The following SNX30 variants were observed in gnomAD, a reference collection of about 807,000 sequenced individuals.
The protein encoded by SNX30 is sorting nexin family member 30, also known as sorting nexin-30.
In SNX30, 24 loss-of-function variants were observed where a neutral mutation model predicts 46.4. That is an observed-to-expected ratio of 0.52 (90% CI 0.37 to 0.73). The LOEUF is 0.73. SNX30 is among the 30% of genes least tolerant of loss of function. The pLI, the probability that SNX30 is intolerant of heterozygous loss-of-function variation, is 0.00. For synonymous variants in SNX30, 189 were observed against 211.5 expected, an observed-to-expected ratio of 0.89 and a Z score of 0.92; for missense variants, 533 against 555.7, an observed-to-expected ratio of 0.96 and a Z score of 0.41.
intron 2 of SNX30, among the ~76,000 whole-genome samples, chr9:112,811,666 T>G (rs1165788192): frequency 1.3e-5 from 2 of 152,174 alleles, no homozygotes; most frequent in African/African-American, 2.4e-5. Context: ...TGACTATGAT[T>G]CTTGTGCTTG....
rs1840414195 is a variant in SNX30 at position 112,817,401 on chromosome 9, C to CCTT, written c.349-304_349-303insCTT. Among the ~76,000 whole-genome samples, 26 of 46,836 alleles carry CCTT rather than the reference C, an allele frequency of 5.6e-4. 2 individuals carry two copies. Among genetic ancestry groups the CCTT allele is most frequent in the African/African-American group, 2.4e-3 (25 of 10,268 alleles). 30.7% of individuals were successfully genotyped at this position (46,836 alleles called of 152,430 possible). ...CGGTAGGGAAAAAAAAAAAAACTGG[C>CCTT]TTTTTTTTTTTTTTTTTTTTTTTTT... is the stretch of plus-strand genomic sequence containing the variant. On this transcript the variant is annotated intron_variant, in intron 2 of 8. Transcript: ENST00000374232.
In SNX30 at chr9:112,864,403, A is replaced by G. The variant is rs752207946; in HGVS notation, c.1254+4A>G. On this transcript the variant is annotated splice_donor_region_variant and intron_variant, in intron 8 of 8. Transcript: ENST00000374232. ...GAACATCCAGTATTATGAGAAGGTA[A>G]TGAGTGTGCCCAACAAGACTGGTTT... The G allele has an allele frequency of 3.1e-6, 5 of 1,614,104 alleles. No homozygotes were observed. Among genetic ancestry groups the G allele is most frequent in the East Asian group, 2.2e-5 (1 of 44,884 alleles).
intron 2 of SNX30, among the ~76,000 whole-genome samples, chr9:112,816,060 G>A (rs2131418934): frequency 6.6e-6 from 1 of 152,218 alleles, no homozygotes; most frequent in Admixed American, 6.5e-5. Flanking sequence ...GCCCAGGCTG[G>A]TCTCAAACTC....
At chr9:112,750,656 C>A (rs1245535518), upstream of SNX30, among the ~76,000 whole-genome samples, 3 of 151,814 alleles carry the variant, frequency 2.0e-5, no homozygotes, top group Admixed American at 6.6e-5. Flanking sequence ...CCTTCCTTCC[C>A]CACGTGCCCC....
At chr9:112,762,886 C>T (rs1164587769) in intron 1 of SNX30, among the ~76,000 whole-genome samples, 2 of 152,202 alleles carry the variant, frequency 1.3e-5, no homozygotes, top group Admixed American at 6.5e-5. Flanking sequence ...GCACGAGCCT[C>T]GGTTATTCCC....
intron 1 of SNX30, among the ~76,000 whole-genome samples, chr9:112,758,735 G>A (rs1163689196): frequency 6.6e-6 from 1 of 152,168 alleles, no homozygotes; most frequent in Admixed American, 6.5e-5. Flanking sequence ...GAGTGGCTGG[G>A]CGTGGTGGCT....
In SNX30 at chr9:112,786,956, T is replaced by G. The variant is rs1839939094; in HGVS notation, c.157-17820T>G. ...ATGATCAGACTCTTGGTTCAGGGCCTTTTTCTTTTCCAGTGAACACGCTAA... is the reference window on the plus strand; with the variant it reads ...ATGATCAGACTCTTGGTTCAGGGCCGTTTTCTTTTCCAGTGAACACGCTAA... On this transcript the variant is annotated intron_variant, in intron 1 of 8. Coordinates refer to ENST00000374232, the MANE Select transcript of SNX30 (RefSeq NM_001012994.2). Among the ~76,000 whole-genome samples the G allele has an allele frequency of 2.0e-5, 3 of 152,308 alleles. No homozygotes were observed. The South Asian group carries it at 6.2e-4, about 32-fold the overall frequency.
At chr9:112,884,553 A>AT (rs1237760787), downstream of SNX30, among the ~76,000 whole-genome samples, 1 of 152,080 alleles carries the variant, frequency 6.6e-6, no homozygotes, top group African/African-American at 2.4e-5. Flanking sequence ...AGCTTTTAAA[A>AT]TTTCCTATGC....
intron 1 of SNX30, among the ~76,000 whole-genome samples, chr9:112,804,022 C>T (rs1178939177): frequency 7.0e-6 from 1 of 142,706 alleles, no homozygotes; most frequent in Non-Finnish European, 1.5e-5. Flanking sequence ...ACACACTGGC[C>T]TGCGCCCACT....
chr9:112,811,467 G>A (rs1337337293), intron 2 of SNX30, among the ~76,000 whole-genome samples: 1 of 152,166 alleles, frequency 6.6e-6, no homozygotes, highest in East Asian at 1.9e-4. Flanking sequence ...TATGTGGTAG[G>A]GTGAGTGGGG....
intron 2 of SNX30, among the ~76,000 whole-genome samples, chr9:112,813,501 C>G (rs1360915239): frequency 6.9e-6 from 1 of 144,332 alleles, no homozygotes; most frequent in Admixed American, 7.0e-5. Flanking sequence ...GACAGTCTCA[C>G]TCTGTCGCCC....
At chr9:112,825,408 C>T (rs1840565849) in intron 3 of SNX30, among the ~76,000 whole-genome samples, 1 of 152,088 alleles carries the variant, frequency 6.6e-6, no homozygotes, top group Non-Finnish European at 1.5e-5. Flanking sequence ...AATCCTCCCA[C>T]CTCAGCCTCC....
At chr9:112,781,889 G>A (rs554082829) in intron 1 of SNX30, among the ~76,000 whole-genome samples, 1 of 151,474 alleles carries the variant, frequency 6.6e-6, no homozygotes, top group African/African-American at 2.4e-5. Flanking sequence ...TGATCCACCC[G>A]CCTTATCCTC....
At chr9:112,812,179 A>G (rs940966011) in intron 2 of SNX30, among the ~76,000 whole-genome samples, 2 of 152,072 alleles carry the variant, frequency 1.3e-5, no homozygotes, top group African/African-American at 4.8e-5. Context: ...ACCTATCACT[A>G]TATCTTTTCT....
At chr9:112,848,673 G>A (rs553831250) in intron 6 of SNX30, among the ~76,000 whole-genome samples, 1 of 152,356 alleles carries the variant, frequency 6.6e-6, no homozygotes, top group East Asian at 1.9e-4. Context: ...CCTCCAGTCA[G>A]CCTGCGCCAG....
chr9:112,827,133 C>A (rs1228503994), intron 3 of SNX30, among the ~76,000 whole-genome samples: 1 of 152,146 alleles, frequency 6.6e-6, no homozygotes, highest in Non-Finnish European at 1.5e-5. Context: ...ATATTCCCAC[C>A]ATGTCAAGGT....
At chr9:112,846,589 G>GT (rs1207776954) in intron 6 of SNX30, among the ~76,000 whole-genome samples, 1 of 152,156 alleles carries the variant, frequency 6.6e-6, no homozygotes, top group Non-Finnish European at 1.5e-5. Context: ...GGCTACGTGC[G>GT]TATTTTATTT....
At chr9:112,792,832 T>C (rs1366277851) in intron 1 of SNX30, among the ~76,000 whole-genome samples, 1 of 152,178 alleles carries the variant, frequency 6.6e-6, no homozygotes, top group Non-Finnish European at 1.5e-5. Context: ...TGTTCTTTTC[T>C]GTTTTAATTT....
chr9:112,769,455 A>C (rs1839609997), intron 1 of SNX30, among the ~76,000 whole-genome samples: 1 of 152,208 alleles, frequency 6.6e-6, no homozygotes, highest in Non-Finnish European at 1.5e-5. Context: ...GGGTGCAGCC[A>C]TGTCCATGCA....
Sources: allele counts gnomAD v4.1 joint callset (sites outside exome capture counted in the v4.1 genomes callset), GRCh38; gene constraint gnomAD v4.1.1; transcripts MANE v1.5; gene names NCBI Gene and HGNC (gene_info 2026-07-23, HGNC 2026-07-21).